The following BLTP3A variants were observed in gnomAD, a reference collection of about 807,000 sequenced individuals.
The protein encoded by BLTP3A is bridge-like lipid transfer protein family member 3A.
chr6:34,859,645 T>C, the BLTP3A span: 1 of 1,564,430 alleles, frequency 6.4e-7, no homozygotes, highest in South Asian at 1.2e-5. Flanking sequence ...TAAGGCCTCT[T>C]ACTATGTGCA....
At chr6:34,853,981 TG>T in the BLTP3A span, among the ~76,000 whole-genome samples, 2 of 151,690 alleles carry the variant, frequency 1.3e-5, no homozygotes, top group East Asian at 2.0e-4. Context: ...CCCTGCACTT[TG>T]GGGGGCCGAG....
At chr6:34,869,553 A>G in the BLTP3A span, among the ~76,000 whole-genome samples, 3 of 148,842 alleles carry the variant, frequency 2.0e-5, no homozygotes, top group Non-Finnish European at 4.4e-5. Flanking sequence ...AAGTAACATG[A>G]TATTCTTTAA....
the BLTP3A span, among the ~76,000 whole-genome samples, chr6:34,838,551 A>T: frequency 6.6e-6 from 1 of 152,228 alleles, no homozygotes; most frequent in Non-Finnish European, 1.5e-5. Flanking sequence ...TGGTTAGAAG[A>T]AGTCAAGTTA....
At chr6:34,852,792 G>A in the BLTP3A span, among the ~76,000 whole-genome samples, 5 of 152,240 alleles carry the variant, frequency 3.3e-5, no homozygotes, top group South Asian at 4.2e-4. Context: ...GGATCCTAGA[G>A]CACTTTAGCA....
At chr6:34,843,207 C>G in the BLTP3A span, among the ~76,000 whole-genome samples, 1 of 152,116 alleles carries the variant, frequency 6.6e-6, no homozygotes, top group African/African-American at 2.4e-5. Flanking sequence ...TGGTCTTGAA[C>G]TCCTGAGCTC....
At chr6:34,808,945 A>G in the BLTP3A span, among the ~76,000 whole-genome samples, 5 of 152,338 alleles carry the variant, frequency 3.3e-5, no homozygotes, top group African/African-American at 1.2e-4. Context: ...ATAAAGGCTC[A>G]TATAGTTTCA....
the BLTP3A span, chr6:34,864,297 G>A: frequency 0.067 from 78,673 of 1,171,014 alleles, 3,922 homozygotes; most frequent in East Asian, 0.28. Flanking sequence ...GCTGAGAGAT[G>A]ATAATATAGA....
chr6:34,835,362 T>C, the BLTP3A span: 1 of 1,614,196 alleles, frequency 6.2e-7, no homozygotes, highest in South Asian at 1.1e-5. Flanking sequence ...GGGTGCTGAC[T>C]GACTCACAGC....
chr6:34,797,047 A>G, the BLTP3A span, among the ~76,000 whole-genome samples: 102 of 152,306 alleles, frequency 6.7e-4, 1 homozygote, highest in Non-Finnish European at 1.2e-3. Flanking sequence ...GAGGAAGAAT[A>G]ATACATACCT....
At chr6:34,808,649 T>C in the BLTP3A span, among the ~76,000 whole-genome samples, 1 of 152,006 alleles carries the variant, frequency 6.6e-6, no homozygotes. Flanking sequence ...AGTGACACAG[T>C]CACGGCTCAC....
the BLTP3A span, chr6:34,858,556 T>TGGCA: frequency 6.2e-7 from 1 of 1,614,186 alleles, no homozygotes; most frequent in Non-Finnish European, 8.5e-7. Flanking sequence ...ACCCCTCCGC[T>TGGCA]GGCAGCAAGC....
chr6:34,858,168 T>A, the BLTP3A span: 3 of 1,614,108 alleles, frequency 1.9e-6, no homozygotes, highest in Non-Finnish European at 2.5e-6. Flanking sequence ...AGTTGCATCG[T>A]CCCCAGGCCC....
the BLTP3A span, among the ~76,000 whole-genome samples, chr6:34,833,625 A>T: frequency 6.6e-6 from 1 of 152,138 alleles, no homozygotes; most frequent in African/African-American, 2.4e-5. Flanking sequence ...TTAAAAAAAA[A>T]TTTCTCATTA....
At chr6:34,853,568 C>A in the BLTP3A span, among the ~76,000 whole-genome samples, 3 of 151,808 alleles carry the variant, frequency 2.0e-5, no homozygotes, top group Admixed American at 6.6e-5. Flanking sequence ...CTTTTCTTTT[C>A]TTTTCTTTTT....
At chr6:34,813,650 A>G in the BLTP3A span, among the ~76,000 whole-genome samples, 104 of 152,358 alleles carry the variant, frequency 6.8e-4, no homozygotes, top group African/African-American at 2.4e-3. Context: ...GAATGATATT[A>G]TCCTCAATTA....
the BLTP3A span, chr6:34,792,311 C>G: frequency 1.9e-6 from 3 of 1,539,090 alleles, no homozygotes; most frequent in Middle Eastern, 1.7e-4. Flanking sequence ...GCGCCAGCGC[C>G]GGCCCCCGGC....
At chr6:34,864,950 A>G in the BLTP3A span, among the ~76,000 whole-genome samples, 2 of 152,188 alleles carry the variant, frequency 1.3e-5, no homozygotes, top group Non-Finnish European at 2.9e-5. Context: ...CCTGGGCGAC[A>G]GCGAGACTCC....
the BLTP3A span, chr6:34,875,150 G>A: frequency 6.6e-6 from 1 of 152,572 alleles, no homozygotes; most frequent in Non-Finnish European, 1.5e-5. Flanking sequence ...ATGGGTGCAG[G>A]TTTATGAGGA....
At chr6:34,867,388 C>T in the BLTP3A span, 12 of 1,613,700 alleles carry the variant, frequency 7.4e-6, no homozygotes, top group Non-Finnish European at 1.0e-5. Flanking sequence ...CGGTCAGCAG[C>T]TCTACTTTCT....
Sources: gnomAD v4.1 joint callset for allele counts (sites outside exome capture counted in the v4.1 genomes callset) on GRCh38, gnomAD v4.1.1 for gene constraint, MANE v1.5 for transcripts, NCBI Gene and HGNC (gene_info 2026-07-23, HGNC 2026-07-21) for gene names.